The following EXT1 variants were observed in gnomAD, a reference collection of about 807,000 sequenced individuals.
EXT1 encodes the protein exostosin-1.
In EXT1, 20 loss-of-function variants were observed where a neutral mutation model predicts 82.5. The ratio of observed to expected loss-of-function variants is 0.24; its 90% CI spans 0.17 to 0.35. The LOEUF (loss-of-function observed/expected upper bound fraction) is 0.35, where lower values mean the gene tolerates loss of function less well. Among genes scored for constraint, EXT1 ranks in the 10% least tolerant of loss-of-function variants. The pLI, the probability that EXT1 is intolerant of heterozygous loss-of-function variation, is 1.00. For missense variants in EXT1, 757 were observed against 936.5 expected, an observed-to-expected ratio of 0.81 and a Z score of 2.50; for synonymous variants, 348 against 350.8, an observed-to-expected ratio of 0.99 and a Z score of 0.09.
chr8:118,052,980 G>A (rs564179922), intron 1 of EXT1, among the ~76,000 whole-genome samples: 9 of 152,104 alleles, frequency 5.9e-5, no homozygotes, highest in African/African-American at 1.4e-4. Flanking sequence ...CAATGCAGCC[G>A]GCTGCCACTC....
chr8:117,971,932 C>T (rs1814949500), intron 1 of EXT1, among the ~76,000 whole-genome samples: 1 of 152,162 alleles, frequency 6.6e-6, no homozygotes, highest in Non-Finnish European at 1.5e-5. Context: ...GGGTGGGTCA[C>T]CTGAGGTCTG....
intron 1 of EXT1, among the ~76,000 whole-genome samples, chr8:117,861,523 C>CAAATACCT (rs1313792789): frequency 0.026 from 2,122 of 82,314 alleles, 172 homozygotes; most frequent in Admixed American, 0.04. Flanking sequence ...GAGATAGAGT[C>CAAATACCT]TTGCTCTGTC....
At chr8:117,957,338 G>A (rs977925175) in intron 1 of EXT1, among the ~76,000 whole-genome samples, 3 of 152,198 alleles carry the variant, frequency 2.0e-5, no homozygotes, top group South Asian at 2.1e-4. Flanking sequence ...TGCAACCAGC[G>A]AAACAGTGCT....
chr8:117,832,528 A>G (rs921071532), intron 3 of EXT1, among the ~76,000 whole-genome samples: 3 of 151,304 alleles, frequency 2.0e-5, no homozygotes, highest in Admixed American at 1.3e-4. Context: ...CTTAAAAAAA[A>G]AAAAGAAAAG....
intron 1 of EXT1, among the ~76,000 whole-genome samples, chr8:117,929,882 C>T (rs902987290): frequency 6.6e-6 from 1 of 152,122 alleles, no homozygotes; most frequent in East Asian, 1.9e-4. Context: ...CCAAGGCAGG[C>T]GTATCACCTG....
At chr8:118,083,519 A>T (rs1459524699) in intron 1 of EXT1, among the ~76,000 whole-genome samples, 3 of 152,146 alleles carry the variant, frequency 2.0e-5, no homozygotes, top group Non-Finnish European at 4.4e-5. Context: ...TAAACCCAGT[A>T]TCATTAGGCA....
At chr8:118,095,567 A>C (rs1817595738) in intron 1 of EXT1, among the ~76,000 whole-genome samples, 1 of 152,216 alleles carries the variant, frequency 6.6e-6, no homozygotes, top group Non-Finnish European at 1.5e-5. Flanking sequence ...GCATATAAGA[A>C]ATGGTGTTTT....
chr8:118,103,399 G>A (rs539887941), intron 1 of EXT1, among the ~76,000 whole-genome samples: 3 of 152,164 alleles, frequency 2.0e-5, no homozygotes, highest in Non-Finnish European at 4.4e-5. Flanking sequence ...CAATCCTCCC[G>A]CCTTAGCCTT....
At chr8:117,829,475 C>T (rs1323063451) in intron 4 of EXT1, among the ~76,000 whole-genome samples, 1 of 152,040 alleles carries the variant, frequency 6.6e-6, no homozygotes, top group African/African-American at 2.4e-5. Flanking sequence ...ATTCTGCTGT[C>T]CCGCAATGCC....
chr8:117,837,122 G>T lies in EXT1; in HGVS notation c.1042C>A (p.Leu348Met), dbSNP rs1212142934. 4 of 1,613,920 alleles carry T rather than the reference G, an allele frequency of 2.5e-6. No individual in the cohort carries two copies. Among genetic ancestry groups the T allele is most frequent in the Non-Finnish European group, 3.4e-6 (4 of 1,179,878 alleles). ...RGRRLGSFRF[L>M]EALQAACVPV... ...GGGCCTCTTACCTGCAAAGCCTCCA[G>T]GAATCTGAAGGACCCAAGCCTGCGA... is the stretch of plus-strand genomic sequence containing the variant. The change falls in exon 2 of 11, where the codon CTG (leucine) becomes ATG (methionine). Residue 348 changes from leucine (L) to methionine (M), a missense_variant. By Grantham distance (15) the Leu-to-Met change is conservative (BLOSUM62 2). Around this residue, in one of 4 missense-constraint regions of EXT1, gnomAD observed 247 missense variants for 330.1 expected, o/e 0.75. Coordinates refer to ENST00000378204, the MANE Select transcript of EXT1 (RefSeq NM_000127.3).
At chr8:118,041,443 G>A (rs1330609324) in intron 1 of EXT1, among the ~76,000 whole-genome samples, 1 of 152,118 alleles carries the variant, frequency 6.6e-6, no homozygotes, top group Non-Finnish European at 1.5e-5. Flanking sequence ...TAAGGTGCCT[G>A]CCCCAAAACA....
intron 4 of EXT1, among the ~76,000 whole-genome samples, chr8:117,822,840 T>C (rs1309982355): frequency 1.3e-5 from 2 of 152,196 alleles, no homozygotes; most frequent in African/African-American, 4.8e-5. Context: ...AGTTAAACCA[T>C]AAGTTCTATC....
At chr8:117,903,975 C>T (rs367825466) in intron 1 of EXT1, among the ~76,000 whole-genome samples, 7 of 152,140 alleles carry the variant, frequency 4.6e-5, no homozygotes, top group Non-Finnish European at 1.0e-4. Flanking sequence ...TAGGAACACG[C>T]GTTACTCAAG....
At chr8:117,869,799 T>C (rs189341785) in intron 1 of EXT1, among the ~76,000 whole-genome samples, 12 of 152,318 alleles carry the variant, frequency 7.9e-5, no homozygotes, top group African/African-American at 2.6e-4. Flanking sequence ...TTCCCTCATA[T>C]TTATATTTAC....
chr8:117,909,163 A>G (rs1466729872), intron 1 of EXT1, among the ~76,000 whole-genome samples: 1 of 152,076 alleles, frequency 6.6e-6, no homozygotes. Flanking sequence ...CTATAGATGA[A>G]TAACTTGGTG....
intron 3 of EXT1, 65 bp downstream of exon 3, chr8:117,835,379 T>C: frequency 1.6e-6 from 2 of 1,247,170 alleles, no homozygotes; most frequent in Non-Finnish European, 2.4e-6. Context: ...TTCATCTTCT[T>C]TGAAAGTTTG....
At chr8:117,812,729 C>T in intron 8 of EXT1, 143 bp downstream of exon 8, 1 of 764,840 alleles carries the variant, frequency 1.3e-6, no homozygotes. Context: ...AGGAATCGGG[C>T]TGATTAAAAC....
chr8:118,100,379 G>A (rs1169294384), intron 1 of EXT1, among the ~76,000 whole-genome samples: 3 of 152,134 alleles, frequency 2.0e-5, no homozygotes, highest in South Asian at 2.1e-4. Flanking sequence ...AACCGGCCGA[G>A]GGAGGCTTCC....
chr8:117,867,828 T>C (rs1304610959), intron 1 of EXT1, among the ~76,000 whole-genome samples: 1 of 152,174 alleles, frequency 6.6e-6, no homozygotes, highest in Non-Finnish European at 1.5e-5. Flanking sequence ...AACACCACCA[T>C]TTATGTGTTT....
Sources: gnomAD v4.1 joint callset for allele counts (sites outside exome capture counted in the v4.1 genomes callset) on GRCh38, gnomAD v4.1.1 for gene constraint, gnomAD v4.1.1 regional missense constraint, MANE v1.5 for transcripts, NCBI Gene and HGNC (gene_info 2026-07-23, HGNC 2026-07-21) for gene names.